Variants in SLC24A3 observed in about 807,000 individuals in gnomAD.
SLC24A3 encodes sodium/potassium/calcium exchanger 3.
A neutral mutation model predicts 75.8 loss-of-function variants in SLC24A3; 28 were observed. The ratio of observed to expected loss-of-function variants is 0.37; its 90% CI spans 0.27 to 0.51. The LOEUF is 0.51. SLC24A3 is among the 20% of genes least tolerant of loss of function. The pLI, the probability that SLC24A3 is intolerant of heterozygous loss-of-function variation, is 0.94. For missense variants in SLC24A3, 663 were observed against 847.8 expected (o/e 0.78, Z 2.71); for synonymous variants, 372 against 334.1 (o/e 1.11, Z -1.24).
chr20:19,280,697 G>A (rs1016234764), intron 1 of SLC24A3, among the ~76,000 whole-genome samples: 27 of 152,326 alleles, frequency 1.8e-4, no homozygotes, highest in African/African-American at 6.3e-4. Context: ...AGTTGATCAA[G>A]TGTGCTTTAT....
At chr20:19,386,901 G>T (rs1037332618) in intron 2 of SLC24A3, among the ~76,000 whole-genome samples, 4 of 151,962 alleles carry the variant, frequency 2.6e-5, no homozygotes, top group African/African-American at 4.8e-5. Context: ...TGCCTTTGGA[G>T]GAATTTAAGG....
At chr20:19,438,157 G>A (rs1012567310) in intron 2 of SLC24A3, among the ~76,000 whole-genome samples, 1 of 152,206 alleles carries the variant, frequency 6.6e-6, no homozygotes, top group African/African-American at 2.4e-5. Context: ...ATCAAGTTTT[G>A]TGGGTCCTTG....
chr20:19,498,633 A>T (rs931315780), intron 2 of SLC24A3, among the ~76,000 whole-genome samples: 9 of 152,194 alleles, frequency 5.9e-5, no homozygotes, highest in African/African-American at 1.4e-4. Context: ...ATTGTTATCA[A>T]TATGGTTATA....
chr20:19,566,660 G>A (rs1000417968), intron 3 of SLC24A3, among the ~76,000 whole-genome samples: 1 of 152,214 alleles, frequency 6.6e-6, no homozygotes, highest in Non-Finnish European at 1.5e-5. Flanking sequence ...TATTCTACAA[G>A]AGAGGCCCTT....
intron 2 of SLC24A3, among the ~76,000 whole-genome samples, chr20:19,502,629 T>A (rs1988400820): frequency 6.6e-6 from 1 of 152,064 alleles, no homozygotes; most frequent in South Asian, 2.1e-4. Context: ...TACAATCCTC[T>A]GATAATTCAA....
At chr20:19,409,800 T>C (rs1986711985) in intron 2 of SLC24A3, among the ~76,000 whole-genome samples, 1 of 151,738 alleles carries the variant, frequency 6.6e-6, no homozygotes, top group South Asian at 2.1e-4. Context: ...GTTATATAAC[T>C]GTGCTATTAT....
At chr20:19,375,122 C>G (rs1459542850) in intron 2 of SLC24A3, among the ~76,000 whole-genome samples, 1 of 152,160 alleles carries the variant, frequency 6.6e-6, no homozygotes, top group Non-Finnish European at 1.5e-5. Context: ...CCTCACAGAT[C>G]AATCACCTGT....
intron 2 of SLC24A3, among the ~76,000 whole-genome samples, chr20:19,371,836 C>A (rs1471763496): frequency 6.6e-6 from 1 of 152,144 alleles, no homozygotes; most frequent in Non-Finnish European, 1.5e-5. Context: ...AGCTGATAAG[C>A]TATGTAAAAA....
intron 13 of SLC24A3, 200 bp downstream of exon 13, chr20:19,693,625 T>C: frequency 1.7e-6 from 1 of 603,612 alleles, no homozygotes; most frequent in African/African-American, 1.8e-5. Flanking sequence ...TGACTGTGGA[T>C]TCATTAATCT....
At chr20:19,688,849 A>G (rs901643495) in intron 12 of SLC24A3, among the ~76,000 whole-genome samples, 1 of 152,056 alleles carries the variant, frequency 6.6e-6, no homozygotes, top group Non-Finnish European at 1.5e-5. Context: ...TTGATATAAC[A>G]TAGTGTTAAC....
At chr20:19,691,170 CA>C (rs1441459699) in intron 12 of SLC24A3, among the ~76,000 whole-genome samples, 3 of 152,030 alleles carry the variant, frequency 2.0e-5, no homozygotes, top group Non-Finnish European at 2.9e-5. Flanking sequence ...TCGCATGAAA[CA>C]AATAAAAATA....
intron 2 of SLC24A3, among the ~76,000 whole-genome samples, chr20:19,422,943 G>A (rs996444734): frequency 2.6e-5 from 4 of 152,208 alleles, no homozygotes; most frequent in Admixed American, 1.3e-4. Context: ...AATTGATAAA[G>A]TTAGGAAGTC....
chr20:19,277,525 G>A (rs908503891), intron 1 of SLC24A3, among the ~76,000 whole-genome samples: 1 of 152,100 alleles, frequency 6.6e-6, no homozygotes, highest in African/African-American at 2.4e-5. Flanking sequence ...CTATAATATT[G>A]TCAAACTTGG....
chr20:19,552,554 A>G lies in SLC24A3; in HGVS notation c.349-27446A>G, dbSNP rs866889713. On this transcript the variant is annotated intron_variant, in intron 3 of 16. Transcript: ENST00000328041. ...TTCTTGCCATTATTTGATTGACAGC[A>G]TAAATCATTCCTTTACTGTTTGCCA... Among the ~76,000 whole-genome samples the G allele has an allele frequency of 2.0e-5, 3 of 152,238 alleles. No homozygotes were observed. The South Asian group carries it at 6.2e-4, about 32-fold the overall frequency.
intron 12 of SLC24A3, among the ~76,000 whole-genome samples, chr20:19,688,350 G>A (rs1355436914): frequency 2.0e-5 from 3 of 152,190 alleles, no homozygotes; most frequent in African/African-American, 2.4e-5. Flanking sequence ...TTCAGAGCCC[G>A]GGTCTGCCTT....
At chr20:19,284,339 T>C (rs756305947) in intron 2 of SLC24A3, 1 of 152,658 alleles carries the variant, frequency 6.6e-6, no homozygotes, top group African/African-American at 2.4e-5. Flanking sequence ...TCTAAAACTT[T>C]GTTCAGTTTT....
chr20:19,262,910 G>A (rs1301588605), intron 1 of SLC24A3, among the ~76,000 whole-genome samples: 2 of 152,032 alleles, frequency 1.3e-5, no homozygotes, highest in African/African-American at 4.8e-5. Flanking sequence ...TATTTGCCCC[G>A]AGCCATTTGC....
chr20:19,695,972 GA>G (rs2032799569), intron 13 of SLC24A3, among the ~76,000 whole-genome samples: 3 of 149,770 alleles, frequency 2.0e-5, no homozygotes, highest in African/African-American at 7.4e-5. Flanking sequence ...AAGGAATAGA[GA>G]AAAGGAAATG....
chr20:19,366,714 A>G (rs1296503961), intron 2 of SLC24A3, among the ~76,000 whole-genome samples: 6 of 151,630 alleles, frequency 4.0e-5, no homozygotes, highest in African/African-American at 1.5e-4. Flanking sequence ...AAAAATTAAG[A>G]AAAAAAAATA....
Sources: allele counts gnomAD v4.1 joint callset (sites outside exome capture counted in the v4.1 genomes callset), GRCh38; gene constraint gnomAD v4.1.1; transcripts MANE v1.5; gene names NCBI Gene and HGNC (gene_info 2026-07-23, HGNC 2026-07-21).